TBPL1: variants seen among roughly 807,000 people sequenced by gnomAD.
TBPL1 encodes TATA box-binding protein-like 1.
In TBPL1, 4 loss-of-function variants were observed where a neutral mutation model predicts 22.1. The observed-to-expected ratio is 0.18, with a 90% CI of 0.09 to 0.41. The LOEUF is 0.41. TBPL1 is among the 10% of genes least tolerant of loss of function. The pLI, the probability that TBPL1 is intolerant of heterozygous loss-of-function variation, is 1.00. For missense variants in TBPL1, 115 were observed against 222.3 expected (o/e 0.52, Z 3.07); for synonymous variants, 64 against 71.0 (o/e 0.90, Z 0.50).
rs1474979369 is a variant in TBPL1, at chr6:133,985,291, AAAAAAAATATATATATATATATATAT to A, written c.481+622_481+647del. On this transcript the variant is annotated intron_variant, in intron 6 of 6. Transcript: ENST00000237264. ...AGACTCTGTCTAAAAAAAAAAAAAA[AAAAAAAATATATATATATATATATAT>A]ATATATATATATATATATATACACA... Among the ~76,000 whole-genome samples, 39 of 66,210 alleles carry A rather than the reference AAAAAAAATATATATATATATATATAT, an allele frequency of 5.9e-4. 6 individuals are homozygous for A. The highest frequency in any genetic ancestry group is 9.1e-4 in the Non-Finnish European group (29 of 32,032). 43.4% of individuals were successfully genotyped at this position (66,210 alleles called of 152,430 possible). A position where few individuals can be genotyped will look rare whatever the true frequency, so the allele number is the denominator to read the frequency against.
chr6:133,978,657 G>GA (rs1038158551), intron 1 of TBPL1, among the ~76,000 whole-genome samples: 2 of 152,132 alleles, frequency 1.3e-5, no homozygotes, highest in Non-Finnish European at 2.9e-5. Flanking sequence ...ATACAAGAGT[G>GA]AAAAAATATA....
intron 1 of TBPL1, among the ~76,000 whole-genome samples, chr6:133,959,227 G>A (rs1205117354): frequency 6.6e-6 from 1 of 152,006 alleles, no homozygotes; most frequent in Non-Finnish European, 1.5e-5. Flanking sequence ...TTTAGTAGAT[G>A]CAGGGTTTCC....
At chr6:133,963,929 T>A (rs1248650924) in intron 1 of TBPL1, among the ~76,000 whole-genome samples, 1 of 150,444 alleles carries the variant, frequency 6.6e-6, no homozygotes, top group East Asian at 2.0e-4. Context: ...TAGTCGCAGC[T>A]ACTCGGGAGG....
chr6:133,961,742 G>C (rs1337735185), intron 1 of TBPL1, among the ~76,000 whole-genome samples: 3 of 152,100 alleles, frequency 2.0e-5, no homozygotes, highest in Non-Finnish European at 2.9e-5. Context: ...GGGATTACAG[G>C]TGTGACCCAC....
intron 1 of TBPL1, among the ~76,000 whole-genome samples, chr6:133,967,448 A>G (rs1776139077): frequency 6.6e-6 from 1 of 152,196 alleles, no homozygotes; most frequent in African/African-American, 2.4e-5. Flanking sequence ...AGAAATACAA[A>G]TGGTTAGTAA....
chr6:133,959,446 T>C (rs1244446002), intron 1 of TBPL1, among the ~76,000 whole-genome samples: 1 of 152,176 alleles, frequency 6.6e-6, no homozygotes, highest in Non-Finnish European at 1.5e-5. Flanking sequence ...TCTAACACAT[T>C]GTTAATTTTT....
chr6:133,958,624 G>A lies in TBPL1; in HGVS notation c.-45+5199G>A, dbSNP rs1050046479. 2.6e-5 allele frequency among the ~76,000 whole-genome samples: 4 copies of A among 152,180 alleles called. No homozygotes were observed. In the East Asian group the frequency reaches 5.8e-4, roughly 22 times the overall value. The stretch of plus-strand genomic sequence containing the variant: ...TAAGTCCAAATGTTTTAGTTTAGTT[G>A]TGTGGACATTGGAAACTGCTGACTA... On this transcript the variant is annotated intron_variant, in intron 1 of 6. Transcript: ENST00000237264.
At chr6:133,953,996 G>A (rs776017194) in intron 1 of TBPL1, among the ~76,000 whole-genome samples, 2 of 152,154 alleles carry the variant, frequency 1.3e-5, no homozygotes, top group East Asian at 3.9e-4. Flanking sequence ...TAGAACTGAA[G>A]AAGAGAAAAT....
chr6:133,967,642 G>C (rs1241779029), intron 1 of TBPL1, among the ~76,000 whole-genome samples: 1 of 152,150 alleles, frequency 6.6e-6, no homozygotes, highest in African/African-American at 2.4e-5. Flanking sequence ...ACTGAGTACT[G>C]TAGGCAGTTG....
At chr6:133,971,651 T>C (rs560636557) in intron 1 of TBPL1, among the ~76,000 whole-genome samples, 2 of 152,160 alleles carry the variant, frequency 1.3e-5, no homozygotes, top group Non-Finnish European at 2.9e-5. Flanking sequence ...TGGTATCTCA[T>C]TGTGGTTTTG....
In TBPL1 at chr6:133,986,956, T is replaced by C; in HGVS notation, c.482-5T>C. On this transcript the variant is annotated splice_region_variant and splice_polypyrimidine_tract_variant and intron_variant, in intron 6 of 6. Transcript: ENST00000237264. ...TCACTCCTTCCTCCATTGTGTTTAT[T>C]ACAGGGCCCAATGTAAAGGCTGTTG... 5 of 1,605,760 alleles carry C rather than the reference T, an allele frequency of 3.1e-6. No individual in the cohort carries two copies. The highest frequency in any genetic ancestry group is 4.3e-6 in the Non-Finnish European group (5 of 1,175,882).
At chr6:133,961,912 A>G (rs1005754691) in intron 1 of TBPL1, among the ~76,000 whole-genome samples, 2 of 152,012 alleles carry the variant, frequency 1.3e-5, no homozygotes, top group Non-Finnish European at 2.9e-5. Context: ...TTTTTCTTCC[A>G]CTGAAATACA....
chr6:133,984,822 T>C, intron 6 of TBPL1, 151 bp downstream of exon 6: 1 of 615,116 alleles, frequency 1.6e-6, no homozygotes, highest in East Asian at 2.8e-5. Context: ...ACTAGATGCA[T>C]TTTGCCTACT....
At chr6:133,986,434 TCTGAG>T (rs1287585202) in intron 6 of TBPL1, among the ~76,000 whole-genome samples, 1 of 152,188 alleles carries the variant, frequency 6.6e-6, no homozygotes, top group Non-Finnish European at 1.5e-5. Context: ...TTGTATACGC[TCTGAG>T]GGTGAAATGA....
rs888337475 is a variant in TBPL1, at chr6:133,990,071, G to C, written c.*3031G>C. Reference sequence around the variant, plus strand: ...TGGAGAAGTAAGAGAACAGTTCATCGTTGTGTGGGTGAAACCCACGTTGCT... The same window carrying C: ...TGGAGAAGTAAGAGAACAGTTCATCCTTGTGTGGGTGAAACCCACGTTGCT... On this transcript the variant is annotated 3_prime_UTR_variant, in exon 7 of 7. Coordinates refer to ENST00000237264, the MANE Select transcript of TBPL1 (RefSeq NM_004865.4). 8 of 152,626 alleles carry C rather than the reference G, an allele frequency of 5.2e-5. No individual in the cohort carries two copies. Among genetic ancestry groups the C allele is most frequent in the Admixed American group, 5.2e-4 (8 of 15,282 alleles). The allele number at this position is 152,626 out of a possible 1,614,324, so 9.5% of individuals were successfully genotyped here. A position where few individuals can be genotyped will look rare whatever the true frequency, so the allele number is the denominator to read the frequency against.
intron 1 of TBPL1, among the ~76,000 whole-genome samples, chr6:133,963,015 G>A (rs1240970145): frequency 6.6e-6 from 1 of 152,196 alleles, no homozygotes; most frequent in African/African-American, 2.4e-5. Context: ...AGTGCTTTAT[G>A]CTCTAGAGTA....
intron 1 of TBPL1, among the ~76,000 whole-genome samples, chr6:133,960,904 G>A (rs78425198): frequency 0.078 from 11,893 of 152,286 alleles, 448 homozygotes; most frequent in Non-Finnish European, 0.085. Context: ...CTGAAGGTCA[G>A]TAGGTGTGTT....
At chr6:133,985,305 T>A (rs1425021471) in intron 6 of TBPL1, among the ~76,000 whole-genome samples, 3,113 of 26,014 alleles carry the variant, frequency 0.12, 753 homozygotes, top group African/African-American at 0.19. Flanking sequence ...AAAATATATA[T>A]ATATATATAT....
At position 133,980,405 on chromosome 6, in the gene TBPL1, A is replaced by G. The variant is rs1423512598; in HGVS notation, c.135+145A>G. ...CTGGATACAGAAGTGAGCCCTGTAA[A>G]AGCAATCCCTCCTCTCATGGAGGTG... On this transcript the variant is annotated intron_variant, in intron 2 of 6. Coordinates refer to ENST00000237264, the MANE Select transcript of TBPL1 (RefSeq NM_004865.4). 6 of 885,032 alleles carry G rather than the reference A, an allele frequency of 6.8e-6. No individual in the cohort carries two copies. The African/African-American group carries it at 8.8e-5, about 13-fold the overall frequency. 54.8% of individuals were successfully genotyped at this position (885,032 alleles called of 1,614,324 possible). A position where few individuals can be genotyped will look rare whatever the true frequency, so the allele number is the denominator to read the frequency against.
Sources: gnomAD v4.1 joint callset for allele counts (sites outside exome capture counted in the v4.1 genomes callset) on GRCh38, gnomAD v4.1.1 for gene constraint, MANE v1.5 for transcripts, NCBI Gene and HGNC (gene_info 2026-07-23, HGNC 2026-07-21) for gene names.